Variants in ZMYM2 observed in about 807,000 individuals in gnomAD.
The protein encoded by ZMYM2 is zinc finger MYM-type protein 2.
A neutral mutation model predicts 162.8 loss-of-function variants in ZMYM2; 56 were observed. The ratio of observed to expected loss-of-function variants is 0.34; its 90% CI spans 0.28 to 0.43. The LOEUF (loss-of-function observed/expected upper bound fraction) is 0.43, where lower values mean the gene tolerates loss of function less well. Among genes scored for constraint, ZMYM2 ranks in the 20% least tolerant of loss-of-function variants. The pLI is 1.00. For missense variants in ZMYM2, 1,275 were observed against 1,621.8 expected, an observed-to-expected ratio of 0.79 and a Z score of 3.67; for synonymous variants, 510 against 541.6, an observed-to-expected ratio of 0.94 and a Z score of 0.81.
At chr13:19,911,896 T>C in the ZMYM2 span, among the ~76,000 whole-genome samples, 1 of 152,184 alleles carries the variant, frequency 6.6e-6, no homozygotes, top group Non-Finnish European at 1.5e-5. Flanking sequence ...CTGGAGTGAC[T>C]GCAGGGATTA....
intron 12 of ZMYM2, among the ~76,000 whole-genome samples, chr13:20,047,505 T>G (rs900233748): frequency 6.6e-6 from 1 of 152,158 alleles, no homozygotes; most frequent in Non-Finnish European, 1.5e-5. Context: ...AACTTAAAAA[T>G]CAACAGCTAG....
chr13:20,019,681 TTAA>T, intron 7 of ZMYM2, 63 bp downstream of exon 7: 2 of 1,394,386 alleles, frequency 1.4e-6, no homozygotes, highest in Non-Finnish European at 2.0e-6. Context: ...ACTACTGTCA[TTAA>T]TATGTATCTG....
At chr13:19,898,368 GA>G in the ZMYM2 span, among the ~76,000 whole-genome samples, 1 of 151,928 alleles carries the variant, frequency 6.6e-6, no homozygotes. Flanking sequence ...GAGTAGCTGG[GA>G]CTACAGGCGC....
At chr13:19,903,230 G>C in the ZMYM2 span, among the ~76,000 whole-genome samples, 1 of 152,074 alleles carries the variant, frequency 6.6e-6, no homozygotes, top group African/African-American at 2.4e-5. Flanking sequence ...CTGCTCAGGA[G>C]GCTGAGGTGG....
the ZMYM2 span, among the ~76,000 whole-genome samples, chr13:19,902,183 C>T: frequency 6.6e-6 from 1 of 152,090 alleles, no homozygotes; most frequent in Non-Finnish European, 1.5e-5. Flanking sequence ...TCCAAGGTAT[C>T]TATAGGAGTG....
At chr13:19,930,601 G>A in the ZMYM2 span, among the ~76,000 whole-genome samples, 3 of 150,302 alleles carry the variant, frequency 2.0e-5, no homozygotes, top group Non-Finnish European at 3.0e-5. Flanking sequence ...GCAGTGGCGC[G>A]ATCTTGGCTC....
the ZMYM2 span, among the ~76,000 whole-genome samples, chr13:19,901,745 G>A: frequency 4.6e-4 from 70 of 152,112 alleles, no homozygotes; most frequent in Non-Finnish European, 8.4e-4. Context: ...AAAGTGCTGG[G>A]ATTACAGGCA....
chr13:20,007,214 C>T (rs1594317754), intron 6 of ZMYM2, among the ~76,000 whole-genome samples: 1 of 152,220 alleles, frequency 6.6e-6, no homozygotes, highest in East Asian at 1.9e-4. Context: ...CAGCTCACTG[C>T]AACCTCCGCC....
intron 12 of ZMYM2, among the ~76,000 whole-genome samples, chr13:20,044,563 G>T (rs754885686): frequency 5.3e-5 from 8 of 152,090 alleles, no homozygotes; most frequent in Non-Finnish European, 7.4e-5. Flanking sequence ...CAGCCATCTT[G>T]CCCCAACATC....
chr13:19,870,796 T>A, the ZMYM2 span, among the ~76,000 whole-genome samples: 1 of 151,694 alleles, frequency 6.6e-6, no homozygotes, highest in East Asian at 1.9e-4. Context: ...CTGGCTAATT[T>A]TTGTATTTTT....
the ZMYM2 span, among the ~76,000 whole-genome samples, chr13:19,951,337 G>C: frequency 6.6e-6 from 1 of 151,898 alleles, no homozygotes; most frequent in South Asian, 2.1e-4. Context: ...CTGATAAGAG[G>C]TTACTATCCA....
intron 4 of ZMYM2, among the ~76,000 whole-genome samples, chr13:20,004,347 C>T (rs1283201320): frequency 6.6e-6 from 1 of 152,124 alleles, no homozygotes; most frequent in Non-Finnish European, 1.5e-5. Flanking sequence ...GCTCCGTCTC[C>T]TGGGTTCATG....
the ZMYM2 span, among the ~76,000 whole-genome samples, chr13:19,948,592 C>T: frequency 3.3e-5 from 5 of 152,188 alleles, no homozygotes; most frequent in East Asian, 1.9e-4. Context: ...ATGGTTACTA[C>T]GGGTTATAGG....
chr13:19,907,218 A>G, the ZMYM2 span, among the ~76,000 whole-genome samples: 1 of 152,166 alleles, frequency 6.6e-6, no homozygotes. Flanking sequence ...TTTTTATTCT[A>G]GTCATGGAAT....
At position 20,051,478 on chromosome 13, in the gene ZMYM2, C is replaced by T. The variant is rs757669327; in HGVS notation, c.2338C>T (p.Arg780Ter). Reference sequence around the variant, plus strand: ...TAAATCTCAAGGAACTCTTAAAGAGCGAGTTCAGTGGCGTGGGGAAATGAA... The same window carrying T: ...TAAATCTCAAGGAACTCTTAAAGAGTGAGTTCAGTGGCGTGGGGAAATGAA... ...CCKSQGTLKE[R>*]VQWRGEMKHF... Residue 780 changes from arginine to a stop codon, truncating the protein, a stop_gained, in exon 13 of 25, where the codon CGA (arginine) becomes TGA (stop). Coordinates refer to ENST00000610343, the MANE Select transcript of ZMYM2 (RefSeq NM_197968.4). LOFTEE classifies it high-confidence loss of function. 2 of 1,613,248 alleles carry T rather than the reference C, an allele frequency of 1.2e-6. No homozygotes were observed. Among genetic ancestry groups the T allele is most frequent in the Non-Finnish European group, 1.7e-6 (2 of 1,179,520 alleles).
intron 12 of ZMYM2, among the ~76,000 whole-genome samples, chr13:20,046,581 A>ATGTGTGTGTGTG (rs1249162923): frequency 5.1e-5 from 6 of 117,512 alleles, no homozygotes; most frequent in South Asian, 2.9e-4. Flanking sequence ...ATATATATAT[A>ATGTGTGTGTGTG]TGTGTGTGTG....
At chr13:19,874,258 C>T in the ZMYM2 span, among the ~76,000 whole-genome samples, 7 of 152,064 alleles carry the variant, frequency 4.6e-5, no homozygotes, top group Non-Finnish European at 7.4e-5. Flanking sequence ...CTTGCTCTGT[C>T]GCCAAGGCTG....
the ZMYM2 span, among the ~76,000 whole-genome samples, chr13:19,888,213 G>A: frequency 6.6e-6 from 1 of 151,350 alleles, no homozygotes; most frequent in African/African-American, 2.4e-5. Context: ...TTTTGAGACA[G>A]TGTCTCACTC....
the ZMYM2 span, among the ~76,000 whole-genome samples, chr13:19,882,058 G>A: frequency 6.6e-6 from 1 of 151,598 alleles, no homozygotes; most frequent in Non-Finnish European, 1.5e-5. Context: ...GTCGATTAAG[G>A]ACTTAGATAT....
Sources: gnomAD v4.1 joint callset for allele counts (sites outside exome capture counted in the v4.1 genomes callset) on GRCh38, gnomAD v4.1.1 for gene constraint, MANE v1.5 for transcripts, NCBI Gene and HGNC (gene_info 2026-07-23, HGNC 2026-07-21) for gene names.